The following FZD3 variants were observed in gnomAD, a reference collection of about 807,000 sequenced individuals.
FZD3 encodes frizzled-3.
A neutral mutation model predicts 60.7 loss-of-function variants in FZD3; 30 were observed. The ratio of observed to expected loss-of-function variants is 0.49; its 90% CI spans 0.37 to 0.67. The LOEUF (loss-of-function observed/expected upper bound fraction) is 0.67. Among genes scored for constraint, FZD3 ranks in the 30% least tolerant of loss-of-function variants. FZD3 has a pLI of 0.00. For synonymous variants in FZD3, 246 were observed against 275.2 expected, an observed-to-expected ratio of 0.89 and a Z score of 1.05; for missense variants, 605 against 838.7, an observed-to-expected ratio of 0.72 and a Z score of 3.44.
At chr8:28,554,996 G>A (rs1805482271) in intron 6 of FZD3, among the ~76,000 whole-genome samples, 1 of 152,040 alleles carries the variant, frequency 6.6e-6, no homozygotes, top group Non-Finnish European at 1.5e-5. Flanking sequence ...TTTAATTACT[G>A]CCTTGTTCAT....
rs1421280582 is a variant in FZD3 at position 28,571,394 on chromosome 8, G to A, written c.*8383G>A. The A allele has an allele frequency of 2.0e-5, 3 of 152,072 alleles. No homozygotes were observed. Among genetic ancestry groups the A allele is most frequent in the Admixed American group, 1.3e-4 (2 of 15,264 alleles). 9.4% of individuals were successfully genotyped at this position (152,072 alleles called of 1,614,324 possible). On this transcript the variant is annotated 3_prime_UTR_variant, in exon 8 of 8. Coordinates refer to ENST00000240093, the MANE Select transcript of FZD3 (RefSeq NM_017412.4). ...TCAACACAGTAGTTCTTTACATTGA[G>A]CTGAGGTGAATGTATACTTAAAAAT...
At chr8:28,521,034 TGAA>T (rs1256585085) in intron 4 of FZD3, among the ~76,000 whole-genome samples, 200 bp downstream of exon 4, 2 of 152,204 alleles carry the variant, frequency 1.3e-5, no homozygotes, top group Non-Finnish European at 2.9e-5. Context: ...AACATTTCTG[TGAA>T]GAAGTTTTTA....
intron 7 of FZD3, among the ~76,000 whole-genome samples, chr8:28,558,716 G>A (rs1172915539): frequency 6.6e-6 from 1 of 152,170 alleles, no homozygotes; most frequent in Non-Finnish European, 1.5e-5. Context: ...GCGGGCATGA[G>A]CCACTGTGCC....
At chr8:28,532,162 A>T (rs1319969224) in intron 5 of FZD3, among the ~76,000 whole-genome samples, 3 of 152,194 alleles carry the variant, frequency 2.0e-5, no homozygotes, top group African/African-American at 7.2e-5. Context: ...TCTCATTTGT[A>T]TAACCATGTG....
chr8:28,495,320 A>G (rs1803815160), intron 1 of FZD3, among the ~76,000 whole-genome samples: 1 of 152,090 alleles, frequency 6.6e-6, no homozygotes, highest in Non-Finnish European at 1.5e-5. Flanking sequence ...GACTCTTTGA[A>G]TTTTGGTTCC....
chr8:28,507,953 G>T (rs1165952559), intron 3 of FZD3, among the ~76,000 whole-genome samples: 1 of 151,964 alleles, frequency 6.6e-6, no homozygotes, highest in Non-Finnish European at 1.5e-5. Flanking sequence ...GTGCAGTGGA[G>T]CAATCATAGC....
chr8:28,540,010 A>G (rs1805122144), intron 5 of FZD3, among the ~76,000 whole-genome samples: 2 of 152,030 alleles, frequency 1.3e-5, no homozygotes, highest in Admixed American at 1.3e-4. Context: ...AATGGTTTTT[A>G]TATGGTGGTT....
At chr8:28,548,205 C>G (rs542640086) in intron 5 of FZD3, among the ~76,000 whole-genome samples, 51 of 131,076 alleles carry the variant, frequency 3.9e-4, no homozygotes, top group African/African-American at 1.4e-3. Context: ...TAGAAAGTCA[C>G]TCTCCATCTC....
At chr8:28,506,108 C>T (rs368373113) in intron 3 of FZD3, among the ~76,000 whole-genome samples, 2 of 152,194 alleles carry the variant, frequency 1.3e-5, no homozygotes, top group African/African-American at 4.8e-5. Flanking sequence ...GGGAACTGTT[C>T]AGCATGGAGC....
intron 5 of FZD3, among the ~76,000 whole-genome samples, chr8:28,528,397 A>G (rs1804775398): frequency 6.6e-6 from 1 of 151,928 alleles, no homozygotes; most frequent in South Asian, 2.1e-4. Flanking sequence ...GCTTTTAAGC[A>G]GTGTACGTCT....
At chr8:28,555,179 C>T (rs1322500316) in intron 6 of FZD3, among the ~76,000 whole-genome samples, 1 of 151,926 alleles carries the variant, frequency 6.6e-6, no homozygotes, top group African/African-American at 2.4e-5. Context: ...ATGTTTATTC[C>T]AGCACTAGAC....
At chr8:28,526,576 T>C (rs1454477375) in intron 4 of FZD3, among the ~76,000 whole-genome samples, 1 of 152,212 alleles carries the variant, frequency 6.6e-6, no homozygotes. Flanking sequence ...TTTATCTTTT[T>C]AACTCCTGGC....
At chr8:28,516,766 CT>C (rs1030385785) in intron 3 of FZD3, among the ~76,000 whole-genome samples, 4 of 151,878 alleles carry the variant, frequency 2.6e-5, no homozygotes, top group East Asian at 1.9e-4. Flanking sequence ...ATTTTGCATT[CT>C]TTTTTTTCTC....
intron 5 of FZD3, among the ~76,000 whole-genome samples, chr8:28,545,096 C>A (rs1266828261): frequency 2.0e-5 from 3 of 152,182 alleles, no homozygotes; most frequent in South Asian, 2.1e-4. Flanking sequence ...TCTCAATATT[C>A]CCCCACTGAG....
chr8:28,557,012 G>A (rs978827507), intron 7 of FZD3, among the ~76,000 whole-genome samples: 8 of 152,132 alleles, frequency 5.3e-5, no homozygotes, highest in African/African-American at 1.9e-4. Flanking sequence ...GTGGCAGTGG[G>A]AAGAGAGGAA....
intron 4 of FZD3, among the ~76,000 whole-genome samples, chr8:28,521,792 T>C (rs1804587668): frequency 6.6e-6 from 1 of 152,208 alleles, no homozygotes; most frequent in African/African-American, 2.4e-5. Context: ...CGTGTAGTGG[T>C]CAATTGTGTT....
In FZD3 at chr8:28,502,702, C is replaced by T. The variant is rs887959923; in HGVS notation, c.-312C>T. 2.5e-5 allele frequency: 5 copies of T among 196,530 alleles called. No individual in the cohort carries two copies. The highest frequency in any genetic ancestry group is 1.2e-4 in the African/African-American group (5 of 43,146). The allele number at this position is 196,530 out of a possible 1,614,324, so 12.2% of individuals were successfully genotyped here. On this transcript the variant is annotated 5_prime_UTR_variant, in exon 3 of 8. Transcript: ENST00000240093. ...AGTTGAAGGAAGAAATAGCTCTTCTCCTAAGATGGAATCTGTGGTTTGGGA... is the reference window on the plus strand; with the variant it reads ...AGTTGAAGGAAGAAATAGCTCTTCTTCTAAGATGGAATCTGTGGTTTGGGA...
intron 5 of FZD3, among the ~76,000 whole-genome samples, chr8:28,542,882 T>C (rs982701222): frequency 1.3e-5 from 2 of 152,306 alleles, no homozygotes; most frequent in Admixed American, 1.3e-4. Flanking sequence ...TAGCACTCAG[T>C]ATTTAAGTGA....
intron 5 of FZD3, among the ~76,000 whole-genome samples, chr8:28,537,986 G>A (rs149467392): frequency 0.013 from 1,950 of 151,886 alleles, 47 homozygotes; most frequent in African/African-American, 0.045. Flanking sequence ...GCGTGGTGGC[G>A]GGCGCCTGTA....
Sources: gnomAD v4.1 joint callset for allele counts (sites outside exome capture counted in the v4.1 genomes callset) on GRCh38, gnomAD v4.1.1 for gene constraint, MANE v1.5 for transcripts, NCBI Gene and HGNC (gene_info 2026-07-23, HGNC 2026-07-21) for gene names.